GFPT1: variants seen among roughly 807,000 people sequenced by gnomAD.
GFPT1 encodes glutamine--fructose-6-phosphate transaminase 1, also known as glutamine--fructose-6-phosphate aminotransferase [isomerizing] 1.
Under a neutral mutation model 92.0 loss-of-function variants are expected in GFPT1, and 40 were observed. That is an observed-to-expected ratio of 0.43 (90% CI 0.34 to 0.57). The LOEUF (loss-of-function observed/expected upper bound fraction) is 0.57. Among genes scored for constraint, GFPT1 ranks in the 20% least tolerant of loss-of-function variants. The pLI, the probability that GFPT1 is intolerant of heterozygous loss-of-function variation, is 0.02. For missense variants in GFPT1, 448 were observed against 869.1 expected, an observed-to-expected ratio of 0.52 and a Z score of 6.09; for synonymous variants, 269 against 280.6, an observed-to-expected ratio of 0.96 and a Z score of 0.41.
chr2:69,329,309 A>C lies in GFPT1; in HGVS notation c.1713T>G (p.Leu571=). The change falls in exon 17 of 20, where the codon CTT becomes CTG. Residue 571 remains leucine (L), a synonymous_variant. Coordinates refer to ENST00000357308, the MANE Select transcript of GFPT1 (RefSeq NM_001244710.2). ...TGAGAAAACTTACCAGTGCCCCTTC[A>C]AGACAAGTAGCATAATGATAGCCTC... ...MGRGYHYATC[L]EGALKIKEIT... is the part of the protein sequence containing the mutation. The C allele has an allele frequency of 1.2e-6, 2 of 1,613,878 alleles. No homozygotes were observed. Among genetic ancestry groups the C allele is most frequent in the Non-Finnish European group, 1.7e-6 (2 of 1,179,762 alleles).
intron 1 of GFPT1, among the ~76,000 whole-genome samples, chr2:69,375,652 A>C (rs746818899): frequency 6.6e-6 from 1 of 152,084 alleles, no homozygotes; most frequent in South Asian, 2.1e-4. Flanking sequence ...ATACACACAC[A>C]CCTTACATTT....
At chr2:69,327,497 T>A (rs886277228) in intron 18 of GFPT1, among the ~76,000 whole-genome samples, 36 of 152,152 alleles carry the variant, frequency 2.4e-4, no homozygotes, top group East Asian at 1.2e-3. Context: ...TAATTTTTTT[T>A]AATTTATTTT....
chr2:69,333,929 G>A (rs1487479967), intron 15 of GFPT1, among the ~76,000 whole-genome samples: 2 of 152,176 alleles, frequency 1.3e-5, no homozygotes, highest in South Asian at 2.1e-4. Context: ...AGGCCAAGAC[G>A]GGTGGATCAC....
intron 12 of GFPT1, among the ~76,000 whole-genome samples, chr2:69,343,945 A>C (rs961991505): frequency 7.9e-5 from 12 of 152,080 alleles, no homozygotes; most frequent in African/African-American, 2.9e-4. Context: ...TTTGGCCTTC[A>C]AGTCCCATAA....
chr2:69,380,089 G>A (rs924032529), intron 1 of GFPT1, among the ~76,000 whole-genome samples: 37 of 151,988 alleles, frequency 2.4e-4, no homozygotes, highest in African/African-American at 8.0e-4. Flanking sequence ...TGTAATCCCA[G>A]CAATTTGGGA....
chr2:69,368,106 A>C (rs1340963098), intron 3 of GFPT1, among the ~76,000 whole-genome samples: 1 of 151,884 alleles, frequency 6.6e-6, no homozygotes, highest in African/African-American at 2.4e-5. Flanking sequence ...AAAATTAGCA[A>C]GGTGTGGTGG....
intron 13 of GFPT1, among the ~76,000 whole-genome samples, chr2:69,341,593 T>C (rs1007865394): frequency 1.3e-5 from 2 of 152,196 alleles, no homozygotes; most frequent in African/African-American, 2.4e-5. Flanking sequence ...TGGGCAAATA[T>C]TGGTCTTTTA....
At chr2:69,342,493 G>A (rs186878496) in intron 12 of GFPT1, among the ~76,000 whole-genome samples, 3 of 152,168 alleles carry the variant, frequency 2.0e-5, no homozygotes, top group African/African-American at 4.8e-5. Flanking sequence ...CACAATTACA[G>A]TATTTATTAC....
intron 1 of GFPT1, among the ~76,000 whole-genome samples, chr2:69,379,871 T>A (rs576179354): frequency 1.3e-5 from 2 of 152,084 alleles, no homozygotes; most frequent in Admixed American, 1.3e-4. Context: ...AGACGTAAGC[T>A]ACCACGCCCA....
At chr2:69,344,854 A>C (rs1671046858) in intron 12 of GFPT1, among the ~76,000 whole-genome samples, 1 of 151,806 alleles carries the variant, frequency 6.6e-6, no homozygotes, top group Non-Finnish European at 1.5e-5. Context: ...ACTGGTCTAG[A>C]ATTCCTGAGC....
intron 12 of GFPT1, among the ~76,000 whole-genome samples, chr2:69,344,375 T>G (rs1468190660): frequency 6.6e-6 from 1 of 152,078 alleles, no homozygotes; most frequent in African/African-American, 2.4e-5. Context: ...TGCCCAAAGC[T>G]CTAAATTTGA....
intron 9 of GFPT1, among the ~76,000 whole-genome samples, chr2:69,352,822 G>C (rs1020999099): frequency 6.6e-6 from 1 of 151,842 alleles, no homozygotes; most frequent in African/African-American, 2.4e-5. Flanking sequence ...GAGGTGGGCG[G>C]ATCACCTGAG....
rs1471980142 is a variant in GFPT1 at position 69,325,352 on chromosome 2, TAAAAAATA to T, written c.*829_*836del. 2.0e-5 allele frequency: 3 copies of T among 152,156 alleles called. No individual in the cohort carries two copies. The highest frequency in any genetic ancestry group is 4.4e-5 in the Non-Finnish European group (3 of 68,000). 9.4% of individuals were successfully genotyped at this position (152,156 alleles called of 1,614,324 possible). A position where few individuals can be genotyped will look rare whatever the true frequency, so the allele number is the denominator to read the frequency against. ...TAAAATATGTCATTCAGCAGTCATT[TAAAAAATA>T]AAAGACTACAGATACAAGGAAATAA... is the stretch of plus-strand genomic sequence containing the variant. On this transcript the variant is annotated 3_prime_UTR_variant, in exon 20 of 20. Coordinates refer to ENST00000357308, the MANE Select transcript of GFPT1 (RefSeq NM_001244710.2).
Position 69,354,718 on chromosome 2 carries a change from T to TA in GFPT1, c.606-151dup, listed in dbSNP as rs61401084. 82,765 of 653,492 alleles carry TA rather than the reference T, an allele frequency of 0.13. 6,240 individuals carry two copies. The highest frequency in any genetic ancestry group is 0.15 in the Non-Finnish European group (54,141 of 360,224). The allele number at this position is 653,492 out of a possible 1,614,324, so 40.5% of individuals were successfully genotyped here. On this transcript the variant is annotated intron_variant, in intron 7 of 19. Coordinates refer to ENST00000357308, the MANE Select transcript of GFPT1 (RefSeq NM_001244710.2). Reference sequence around the variant, plus strand: ...TAAGAACTAGATAAAAAGAATTTTTTAAAAAAATCAGTATTGGGCCAGGTG... The same window carrying TA: ...TAAGAACTAGATAAAAAGAATTTTTTAAAAAAAATCAGTATTGGGCCAGGTG...
intron 15 of GFPT1, among the ~76,000 whole-genome samples, chr2:69,330,016 G>A (rs142062881): frequency 9.7e-4 from 147 of 152,160 alleles, no homozygotes; most frequent in African/African-American, 3.4e-3. Flanking sequence ...TTAGGAGTTC[G>A]AGACCAGCCT....
intron 10 of GFPT1, among the ~76,000 whole-genome samples, chr2:69,348,780 C>T (rs530711527): frequency 6.6e-6 from 1 of 152,308 alleles, no homozygotes; most frequent in South Asian, 2.1e-4. Context: ...AAATTGATAT[C>T]AAAAGGCAAC....
chr2:69,377,813 C>T (rs764315650), intron 1 of GFPT1, among the ~76,000 whole-genome samples: 4 of 152,232 alleles, frequency 2.6e-5, no homozygotes, highest in Non-Finnish European at 5.9e-5. Flanking sequence ...TAGCCCAAGA[C>T]ATTCCACCTG....
At chr2:69,334,747 T>C (rs1409839356) in intron 15 of GFPT1, 1 of 152,202 alleles carries the variant, frequency 6.6e-6, no homozygotes, top group Non-Finnish European at 1.5e-5. Context: ...AGACGTGTTA[T>C]ACAATTCCAT....
rs1292104124 is a variant in GFPT1, at chr2:69,322,394, A to AG, written c.*3794dup. 1 of 152,096 alleles carries AG rather than the reference A, an allele frequency of 6.6e-6. No homozygotes were observed. Among genetic ancestry groups the AG allele is most frequent in the Non-Finnish European group, 1.5e-5 (1 of 67,976 alleles). 9.4% of individuals were successfully genotyped at this position (152,096 alleles called of 1,614,324 possible). A position where few individuals can be genotyped will look rare whatever the true frequency, so the allele number is the denominator to read the frequency against. On this transcript the variant is annotated 3_prime_UTR_variant, in exon 20 of 20. Coordinates refer to ENST00000357308, the MANE Select transcript of GFPT1 (RefSeq NM_001244710.2). The stretch of plus-strand genomic sequence containing the variant: ...TATGGTATATGCTAATTTTTTTAAA[A>AG]GGGGAAAAAAAAACCCAGAGAACTT...
Sources: allele counts gnomAD v4.1 joint callset (sites outside exome capture counted in the v4.1 genomes callset), GRCh38; gene constraint gnomAD v4.1.1; transcripts MANE v1.5; gene names NCBI Gene and HGNC (gene_info 2026-07-23, HGNC 2026-07-21).